The following ARHGAP15 variants were observed in gnomAD, a reference collection of about 807,000 sequenced individuals.
ARHGAP15 encodes Rho GTPase activating protein 15.
In ARHGAP15, 51 loss-of-function variants were observed where a neutral mutation model predicts 63.7. The ratio of observed to expected loss-of-function variants is 0.80; its 90% confidence interval spans 0.64 to 1.01. The LOEUF (loss-of-function observed/expected upper bound fraction) is 1.01, where lower values mean the gene tolerates loss of function less well. Ranked by LOEUF, ARHGAP15 falls within the 50% of genes least tolerant of loss-of-function variation. The pLI, the probability that ARHGAP15 is intolerant of heterozygous loss-of-function variation, is 0.00. For synonymous variants in ARHGAP15, 191 were observed against 193.8 expected (o/e 0.99, Z 0.12); for missense variants, 560 against 564.6 (o/e 0.99, Z 0.08).
chr2:143,235,538 G>A (rs565745374), intron 5 of ARHGAP15, among the ~76,000 whole-genome samples: 47 of 152,146 alleles, frequency 3.1e-4, no homozygotes, highest in Non-Finnish European at 5.0e-4. Flanking sequence ...TAGTGTTAGC[G>A]TTCTCCAGGT....
rs13396699 is a variant in ARHGAP15 at position 143,661,980 on chromosome 2, G to A, written c.1138+37713G>A. Among the ~76,000 whole-genome samples the A allele has an allele frequency of 4.0e-3, 604 of 152,336 alleles. 8 individuals carry two copies. Among genetic ancestry groups the A allele is most frequent in the African/African-American group, 0.014 (573 of 41,572 alleles). On this transcript the variant is annotated intron_variant, in intron 12 of 13. Coordinates refer to ENST00000295095, the MANE Select transcript of ARHGAP15 (RefSeq NM_018460.4). ...TCTGAGACCAAACTGCAAGGCGGCA[G>A]CGAGGCTGGGGGAGGGGCGCCCGCC...
intron 6 of ARHGAP15, among the ~76,000 whole-genome samples, chr2:143,280,994 G>A (rs1021113973): frequency 6.6e-6 from 1 of 152,142 alleles, no homozygotes; most frequent in African/African-American, 2.4e-5. Flanking sequence ...CTAATTAGCA[G>A]TAGAGCCATG....
chr2:143,720,726 C>A (rs1264616513), intron 13 of ARHGAP15, among the ~76,000 whole-genome samples: 3 of 152,136 alleles, frequency 2.0e-5, no homozygotes, highest in African/African-American at 7.2e-5. Flanking sequence ...CACGACTTCC[C>A]AAACTTCAGT....
At chr2:143,634,264 A>C (rs948129166) in intron 12 of ARHGAP15, among the ~76,000 whole-genome samples, 3 of 152,064 alleles carry the variant, frequency 2.0e-5, no homozygotes, top group Non-Finnish European at 1.5e-5. Context: ...TCCACTGTCA[A>C]GTCCTCAGGG....
At chr2:143,219,751 C>T (rs1032031071) in intron 4 of ARHGAP15, among the ~76,000 whole-genome samples, 4 of 152,196 alleles carry the variant, frequency 2.6e-5, no homozygotes, top group Non-Finnish European at 5.9e-5. Context: ...ATCTAATTAT[C>T]CATAGAACAT....
chr2:143,359,387 A>G (rs867572650), intron 6 of ARHGAP15, among the ~76,000 whole-genome samples: 1 of 152,210 alleles, frequency 6.6e-6, no homozygotes, highest in East Asian at 1.9e-4. Context: ...GTCTAGGACT[A>G]TCATCAACAC....
chr2:143,516,307 G>T (rs1166843569), intron 9 of ARHGAP15, among the ~76,000 whole-genome samples: 2 of 152,148 alleles, frequency 1.3e-5, no homozygotes, highest in Non-Finnish European at 2.9e-5. Flanking sequence ...TCCCTGGAAT[G>T]CTGTTGTCTG....
intron 2 of ARHGAP15, among the ~76,000 whole-genome samples, chr2:143,182,146 A>G (rs1180457465): frequency 1.3e-5 from 2 of 152,042 alleles, no homozygotes; most frequent in Non-Finnish European, 2.9e-5. Flanking sequence ...GTATTTTAGT[A>G]GCAATGGGGT....
intron 8 of ARHGAP15, among the ~76,000 whole-genome samples, chr2:143,481,458 C>T (rs536931902): frequency 6.6e-6 from 1 of 152,036 alleles, no homozygotes; most frequent in Admixed American, 6.5e-5. Flanking sequence ...ACCGCGAGAA[C>T]AGCAGTTTGG....
At chr2:143,735,962 A>G (rs1685729288) in intron 13 of ARHGAP15, among the ~76,000 whole-genome samples, 1 of 152,196 alleles carries the variant, frequency 6.6e-6, no homozygotes, top group African/African-American at 2.4e-5. Flanking sequence ...AGGCTTATGA[A>G]GAATATCAAA....
intron 8 of ARHGAP15, among the ~76,000 whole-genome samples, chr2:143,457,287 C>G (rs1261524526): frequency 3.3e-5 from 5 of 151,920 alleles, no homozygotes; most frequent in Non-Finnish European, 7.4e-5. Context: ...GCCTGTAACC[C>G]CAGCACTTTA....
intron 6 of ARHGAP15, among the ~76,000 whole-genome samples, chr2:143,369,963 C>G (rs893363518): frequency 1.3e-5 from 2 of 152,066 alleles, no homozygotes; most frequent in African/African-American, 2.4e-5. Context: ...CTGTTTTATT[C>G]TAAAACGCAT....
chr2:143,364,076 C>T (rs1686182328), intron 6 of ARHGAP15, among the ~76,000 whole-genome samples: 2 of 152,172 alleles, frequency 1.3e-5, no homozygotes, highest in South Asian at 4.2e-4. Flanking sequence ...TAGAGAAAGA[C>T]CTTATAAAGT....
intron 9 of ARHGAP15, among the ~76,000 whole-genome samples, chr2:143,493,867 T>G (rs1229147508): frequency 6.6e-6 from 1 of 152,210 alleles, no homozygotes; most frequent in Non-Finnish European, 1.5e-5. Context: ...ACCTTCAGTA[T>G]GCCCACACAC....
chr2:143,357,692 G>C (rs1685867284), intron 6 of ARHGAP15, among the ~76,000 whole-genome samples: 1 of 152,130 alleles, frequency 6.6e-6, no homozygotes. Context: ...AGATTAAGTT[G>C]AGTATAGTAA....
chr2:143,227,127 T>C (rs1693241455), intron 4 of ARHGAP15, among the ~76,000 whole-genome samples: 3 of 152,232 alleles, frequency 2.0e-5, no homozygotes, highest in African/African-American at 7.2e-5. Flanking sequence ...TAGAAACTTA[T>C]GTATATTAAT....
intron 6 of ARHGAP15, among the ~76,000 whole-genome samples, chr2:143,390,144 C>A (rs1687474513): frequency 6.6e-6 from 1 of 151,984 alleles, no homozygotes; most frequent in South Asian, 2.1e-4. Flanking sequence ...ATATCTGACA[C>A]CATCAGGCAT....
At chr2:143,223,486 C>T (rs773958642) in intron 4 of ARHGAP15, among the ~76,000 whole-genome samples, 2 of 152,070 alleles carry the variant, frequency 1.3e-5, no homozygotes, top group African/African-American at 2.4e-5. Flanking sequence ...ATTTTTGTCT[C>T]TCTGTGGAAA....
At chr2:143,536,549 G>C (rs1694775136) in intron 10 of ARHGAP15, among the ~76,000 whole-genome samples, 1 of 135,750 alleles carries the variant, frequency 7.4e-6, no homozygotes, top group African/African-American at 2.8e-5. Flanking sequence ...ACCGTCCCCG[G>C]TGTGTGATGT....
Sources: allele counts gnomAD v4.1 joint callset (sites outside exome capture counted in the v4.1 genomes callset), GRCh38; gene constraint gnomAD v4.1.1; transcripts MANE v1.5; gene names NCBI Gene and HGNC (gene_info 2026-07-23, HGNC 2026-07-21).